The following NIN variants were observed in gnomAD, a reference collection of about 807,000 sequenced individuals.
NIN encodes the protein ninein.
A neutral mutation model predicts 257.6 loss-of-function variants in NIN; 137 were observed. That is an observed-to-expected ratio of 0.53 (90% CI 0.46 to 0.61). NIN has a LOEUF of 0.61. Ranked by LOEUF, NIN falls within the 20% of genes least tolerant of loss-of-function variation. The pLI, the probability that NIN is intolerant of heterozygous loss-of-function variation, is 0.00. For missense variants in NIN, 2,439 were observed against 2,501.2 expected, an observed-to-expected ratio of 0.98 and a Z score of 0.53; for synonymous variants, 918 against 919.8, an observed-to-expected ratio of 1.00 and a Z score of 0.04.
chr14:50,766,998 C>T, intron 12 of NIN, 108 bp from the exon 13 acceptor site: 2 of 737,096 alleles, frequency 2.7e-6, no homozygotes, highest in Non-Finnish European at 4.6e-6. Flanking sequence ...AGATGTTTAT[C>T]TATCTTAAAA....
intron 2 of NIN, 140 bp from the exon 3 acceptor site, chr14:50,822,217 A>C (rs2045256570): frequency 3.1e-6 from 2 of 640,028 alleles, no homozygotes; most frequent in Non-Finnish European, 5.5e-6. Context: ...GATGCACCCC[A>C]CAGCAAGACC....
chr14:50,778,538 A>G (rs1479723250), intron 6 of NIN, among the ~76,000 whole-genome samples: 2 of 152,226 alleles, frequency 1.3e-5, no homozygotes, highest in Non-Finnish European at 2.9e-5. Context: ...TATAAGAGAG[A>G]AATTAGCCCG....
At chr14:50,797,512 C>G (rs1298276688) in intron 4 of NIN, among the ~76,000 whole-genome samples, 2 of 152,162 alleles carry the variant, frequency 1.3e-5, no homozygotes, top group Admixed American at 6.5e-5. Flanking sequence ...AAAAATGAAG[C>G]ATGTGCAAAC....
chr14:50,725,010 T>C (rs977251363), intron 30 of NIN, among the ~76,000 whole-genome samples: 6 of 152,188 alleles, frequency 3.9e-5, no homozygotes, highest in Admixed American at 1.3e-4. Flanking sequence ...TGTTCACTGT[T>C]GTATCCCTGT....
At chr14:50,783,619 G>A (rs11157764) in intron 5 of NIN, among the ~76,000 whole-genome samples, 13,778 of 150,770 alleles carry the variant, frequency 0.091, 736 homozygotes, top group Non-Finnish European at 0.12. Context: ...GCACAGGGTG[G>A]CTGAGCATTT....
chr14:50,824,580 G>T (rs1372986529), intron 2 of NIN, among the ~76,000 whole-genome samples: 1 of 152,176 alleles, frequency 6.6e-6, no homozygotes, highest in Non-Finnish European at 1.5e-5. Context: ...TCATGTGCAA[G>T]AATTTTTTTC....
chr14:50,757,596 C>T lies in NIN; in HGVS notation c.3434G>A (p.Ser1145Asn). 1 of 1,614,116 alleles carries T rather than the reference C, an allele frequency of 6.2e-7. No individual in the cohort carries two copies. Among genetic ancestry groups the T allele is most frequent in the Non-Finnish European group, 8.5e-7 (1 of 1,180,012 alleles). The change falls in exon 18 of 31, where the codon AGT becomes AAT. Residue 1145 changes from serine to asparagine, a missense_variant. Physicochemically the swap from Ser to Asn is conservative, Grantham distance 46. This residue lies in a region of NIN where 2,043 missense variants were observed against 2,050.2 expected (regional missense o/e 1.00). Coordinates refer to ENST00000530997, the MANE Select transcript of NIN (RefSeq NM_020921.4). ...CCGGACCTCATCATCTTCCAGGTCA[C>T]TTAGGACATGCCGCCTGGTCACACC... ...VEGVTRRHVLSDLEDDEVRDL... is the reference protein window; with the variant it reads ...VEGVTRRHVLNDLEDDEVRDL...
intron 5 of NIN, among the ~76,000 whole-genome samples, chr14:50,786,064 ACACT>A (rs2043336180): frequency 6.6e-6 from 1 of 152,242 alleles, no homozygotes; most frequent in African/African-American, 2.4e-5. Flanking sequence ...GAGACCTGCT[ACACT>A]GAAGGCTAAA....
At chr14:50,731,528 C>CAA (rs34408175) in intron 28 of NIN, among the ~76,000 whole-genome samples, 12 of 96,076 alleles carry the variant, frequency 1.2e-4, no homozygotes, top group Admixed American at 2.2e-4. Context: ...GACTCCATCT[C>CAA]AAAAAAAAAA....
intron 4 of NIN, 110 bp from the exon 5 acceptor site, chr14:50,792,991 CACT>C (rs2043666927): frequency 6.5e-6 from 7 of 1,082,138 alleles, no homozygotes; most frequent in African/African-American, 1.6e-5. Context: ...AATAAACCAC[CACT>C]GTTTGCCAAT....
chr14:50,823,401 TCTAA>T, intron 2 of NIN: 1 of 463,132 alleles, frequency 2.2e-6, no homozygotes. Context: ...TACAGAACTC[TCTAA>T]CTTAGAGGTG....
At chr14:50,800,130 C>T (rs949417183) in intron 4 of NIN, among the ~76,000 whole-genome samples, 3 of 152,064 alleles carry the variant, frequency 2.0e-5, no homozygotes, top group African/African-American at 7.2e-5. Flanking sequence ...ATTTCTTGCA[C>T]ATATACATAT....
At chr14:50,818,662 T>C (rs1046789928) in intron 3 of NIN, among the ~76,000 whole-genome samples, 1 of 152,164 alleles carries the variant, frequency 6.6e-6, no homozygotes, top group Non-Finnish European at 1.5e-5. Context: ...CATAACCTAG[T>C]GGTAAACACT....
chr14:50,744,259 T>C lies in NIN; in HGVS notation c.5171A>G (p.Asn1724Ser), dbSNP rs781397009. Reference sequence around the variant, plus strand: ...TTCTACTACCTTATCGACACAGCTATTTAATTCCTCACTCAGAGCTTCCTT... The same window carrying C: ...TTCTACTACCTTATCGACACAGCTACTTAATTCCTCACTCAGAGCTTCCTT... ...KEKEALSEELNSCVDKLAKSS... is the reference protein window; with the variant it reads ...KEKEALSEELSSCVDKLAKSS... Residue 1724 changes from asparagine to serine, a missense_variant, in exon 23 of 31, where the codon AAT becomes AGT. By Grantham distance (46) the Asn-to-Ser change is conservative (BLOSUM62 1). Coordinates refer to ENST00000530997, the MANE Select transcript of NIN (RefSeq NM_020921.4). 1.9e-6 allele frequency: 3 copies of C among 1,613,956 alleles called. No homozygotes were observed. Among genetic ancestry groups the C allele is most frequent in the Middle Eastern group, 1.7e-4 (1 of 6,060 alleles).
chr14:50,753,505 T>A (rs2041889209), intron 20 of NIN, among the ~76,000 whole-genome samples: 1 of 147,050 alleles, frequency 6.8e-6, no homozygotes, highest in Admixed American at 7.1e-5. Context: ...CCATAATGCA[T>A]TTATCTGTTC....
intron 11 of NIN, 57 bp from the exon 12 acceptor site, chr14:50,770,619 A>C: frequency 1.3e-6 from 2 of 1,576,424 alleles, no homozygotes; most frequent in Non-Finnish European, 1.7e-6. Context: ...TCCCAGTATC[A>C]ATCTACCAAA....
chr14:50,805,409 T>A (rs1292635119), intron 4 of NIN, among the ~76,000 whole-genome samples: 1 of 152,208 alleles, frequency 6.6e-6, no homozygotes, highest in Non-Finnish European at 1.5e-5. Flanking sequence ...TCAGGCTCAC[T>A]GGGGGCTTCC....
At chr14:50,743,037 C>G (rs1348059612) in intron 24 of NIN, among the ~76,000 whole-genome samples, 1 of 152,070 alleles carries the variant, frequency 6.6e-6, no homozygotes, top group Non-Finnish European at 1.5e-5. Context: ...GATCTTGGCT[C>G]ACTGCATCCT....
intron 29 of NIN, among the ~76,000 whole-genome samples, chr14:50,728,704 T>C (rs1183336030): frequency 6.6e-6 from 1 of 152,208 alleles, no homozygotes; most frequent in Admixed American, 6.5e-5. Context: ...ATTAACTAAA[T>C]AGGCAAGCTG....
Sources: allele counts gnomAD v4.1 joint callset (sites outside exome capture counted in the v4.1 genomes callset), GRCh38; gene constraint gnomAD v4.1.1; regional missense constraint gnomAD v4.1.1; transcripts MANE v1.5; gene names NCBI Gene and HGNC (gene_info 2026-07-23, HGNC 2026-07-21).